ST6GAL2: variants seen among roughly 807,000 people sequenced by gnomAD.
ST6GAL2 encodes ST6 beta-galactoside alpha-2,6-sialyltransferase 2.
In ST6GAL2, 24 loss-of-function variants were observed where a neutral mutation model predicts 37.5. The observed-to-expected ratio is 0.64, with a 90% confidence interval of 0.46 to 0.90. The LOEUF (loss-of-function observed/expected upper bound fraction) is 0.90, where lower values mean the gene tolerates loss of function less well. Among genes scored for constraint, ST6GAL2 ranks in the 40% least tolerant of loss-of-function variants. The pLI, the probability that ST6GAL2 is intolerant of heterozygous loss-of-function variation, is 0.00. For missense variants in ST6GAL2, 715 were observed against 712.7 expected (o/e 1.00, Z -0.04); for synonymous variants, 306 against 295.1 (o/e 1.04, Z -0.38).
chr2:106,879,355 A>G (rs1256235910), intron 1 of ST6GAL2, among the ~76,000 whole-genome samples: 1 of 152,188 alleles, frequency 6.6e-6, no homozygotes, highest in Admixed American at 6.5e-5. Context: ...ATTATTTTAA[A>G]GCCATACCTT....
chr2:106,885,506 G>C (rs1678941840), intron 1 of ST6GAL2, among the ~76,000 whole-genome samples: 1 of 152,126 alleles, frequency 6.6e-6, no homozygotes, highest in Non-Finnish European at 1.5e-5. Context: ...TTGGAAGGCA[G>C]CACTTGCGGG....
chr2:106,831,716 A>C (rs1364135222), intron 4 of ST6GAL2, among the ~76,000 whole-genome samples: 1 of 152,200 alleles, frequency 6.6e-6, no homozygotes, highest in Non-Finnish European at 1.5e-5. Context: ...CAAGGTCAAC[A>C]GTGACCAAAA....
chr2:106,840,934 C>T (rs551832697), intron 2 of ST6GAL2, among the ~76,000 whole-genome samples: 6 of 152,338 alleles, frequency 3.9e-5, no homozygotes, highest in African/African-American at 1.2e-4. Flanking sequence ...TTAATATTGG[C>T]TCTCAGAAAT....
chr2:106,878,899 T>C lies in ST6GAL2; in HGVS notation c.-58+7194A>G, dbSNP rs78967519. ...AACAAGATTGAGCTAATTCGGGCAA[T>C]TGAAAGACAGGGATCGACATGGAGT... On this transcript the variant is annotated intron_variant, in intron 1 of 5. Coordinates refer to ENST00000409382, the MANE Select transcript of ST6GAL2 (RefSeq NM_001142351.2). Among the ~76,000 whole-genome samples the C allele has an allele frequency of 2.6e-5, 4 of 152,270 alleles. 1 individual carries two copies. The highest frequency in any genetic ancestry group is 4.1e-4 in the South Asian group (2 of 4,824).
In ST6GAL2 at chr2:106,834,145, A is replaced by C; in HGVS notation, c.945T>G (p.Asp315Glu). ...TAAATCTCAAAACCGCATCATGAGA[A>C]TCTAAGGGCACATAAGTGACAAGCT... ...ILNSSLGEEI[D>E]SHDAVLRFNS... Residue 315 changes from aspartate (D) to glutamate (E), a missense_variant and splice_region_variant, in exon 3 of 6, where the codon GAT (aspartate) becomes GAG (glutamate). Physicochemically the swap from Asp to Glu is conservative, Grantham distance 45. Coordinates refer to ENST00000409382, the MANE Select transcript of ST6GAL2 (RefSeq NM_001142351.2). 2 of 1,608,292 alleles carry C rather than the reference A, an allele frequency of 1.2e-6. No individual in the cohort carries two copies. The highest frequency in any genetic ancestry group is 1.7e-6 in the Non-Finnish European group (2 of 1,175,158).
rs750460237 is a variant in ST6GAL2 at position 106,843,472 on chromosome 2, T to C, written c.506A>G (p.Gln169Arg). The C allele has an allele frequency of 6.2e-7, 1 of 1,614,044 alleles. No individual in the cohort carries two copies. The highest frequency in any genetic ancestry group is 8.5e-7 in the Non-Finnish European group (1 of 1,180,004). ...REGAFPAAQV[Q>R]RRRVKKRHRR... ...GTGCCTCTTCTTCACCCGCCTCCTC[T>C]GGACCTGTGCAGCCGGAAAAGCCCC... The change falls in exon 2 of 6, where the codon CAG becomes CGG. Residue 169 changes from glutamine to arginine, a missense_variant. Physicochemically the swap from Gln to Arg is conservative, Grantham distance 43. Coordinates refer to ENST00000409382, the MANE Select transcript of ST6GAL2 (RefSeq NM_001142351.2).
intron 1 of ST6GAL2, among the ~76,000 whole-genome samples, chr2:106,865,437 G>A (rs1010198615): frequency 2.6e-5 from 4 of 152,164 alleles, no homozygotes; most frequent in African/African-American, 9.7e-5. Flanking sequence ...TGATACTGAC[G>A]TGCTGTACAT....
chr2:106,837,637 G>C (rs1222683978), intron 2 of ST6GAL2, among the ~76,000 whole-genome samples: 4 of 152,140 alleles, frequency 2.6e-5, no homozygotes, highest in African/African-American at 9.7e-5. Context: ...GAAGTGTGAT[G>C]CCAGCAATCC....
chr2:106,839,210 C>T (rs917195413), intron 2 of ST6GAL2, among the ~76,000 whole-genome samples: 1 of 152,078 alleles, frequency 6.6e-6, no homozygotes, highest in African/African-American at 2.4e-5. Flanking sequence ...CTCTTCTGTC[C>T]CTACGAGCCC....
intron 1 of ST6GAL2, among the ~76,000 whole-genome samples, chr2:106,875,590 G>A (rs1018515899): frequency 6.6e-6 from 1 of 152,220 alleles, no homozygotes; most frequent in Non-Finnish European, 1.5e-5. Context: ...TGGGGTACGG[G>A]AAAGGCCTGG....
At chr2:106,814,076 T>C (rs1675709681) in intron 5 of ST6GAL2, among the ~76,000 whole-genome samples, 1 of 152,198 alleles carries the variant, frequency 6.6e-6, no homozygotes, top group Non-Finnish European at 1.5e-5. Context: ...TTGAACCTGA[T>C]GTAATTTAAG....
At chr2:106,814,552 T>A (rs943965341) in intron 5 of ST6GAL2, among the ~76,000 whole-genome samples, 2 of 150,622 alleles carry the variant, frequency 1.3e-5, no homozygotes, top group African/African-American at 4.9e-5. Context: ...GAATTGGCAA[T>A]TGTACCTTAA....
At chr2:106,828,737 A>G (rs1000339442) in intron 5 of ST6GAL2, among the ~76,000 whole-genome samples, 7 of 152,216 alleles carry the variant, frequency 4.6e-5, no homozygotes, top group African/African-American at 1.7e-4. Context: ...GGGGAAGAGA[A>G]CATTACAGTT....
At chr2:106,838,537 T>C (rs1676738777) in intron 2 of ST6GAL2, among the ~76,000 whole-genome samples, 13 of 152,212 alleles carry the variant, frequency 8.5e-5, no homozygotes, top group Admixed American at 8.5e-4. Context: ...GTCCAGGCTC[T>C]GGAGTGATCT....
At chr2:106,861,078 T>G (rs1677778644) in intron 1 of ST6GAL2, among the ~76,000 whole-genome samples, 1 of 151,960 alleles carries the variant, frequency 6.6e-6, no homozygotes, top group Non-Finnish European at 1.5e-5. Flanking sequence ...AGTAGAAGAG[T>G]GAGACCCTAA....
chr2:106,860,133 T>C (rs1224928652), intron 1 of ST6GAL2, among the ~76,000 whole-genome samples: 1 of 152,168 alleles, frequency 6.6e-6, no homozygotes, highest in Non-Finnish European at 1.5e-5. Context: ...AGTAAGGGTT[T>C]CCCTCCAGCA....
intron 1 of ST6GAL2, among the ~76,000 whole-genome samples, chr2:106,883,624 AGCT>A (rs1336006736): frequency 6.6e-6 from 1 of 152,178 alleles, no homozygotes; most frequent in African/African-American, 2.4e-5. Flanking sequence ...AGAAAATCAA[AGCT>A]TAACATACAC....
In ST6GAL2 at chr2:106,841,827, C is replaced by T. The variant is rs141807860; in HGVS notation, c.943+1208G>A. On this transcript the variant is annotated intron_variant, in intron 2 of 5. Coordinates refer to ENST00000409382, the MANE Select transcript of ST6GAL2 (RefSeq NM_001142351.2). ...TATTTGAACCCTGCCATGGCCCCAT[C>T]AATCAAAAAAGATTAGAATTGGTAT... Among the ~76,000 whole-genome samples, 5 of 152,142 alleles carry T rather than the reference C, an allele frequency of 3.3e-5. No individual in the cohort carries two copies. The East Asian group carries it at 9.7e-4, about 29-fold the overall frequency.
intron 1 of ST6GAL2, among the ~76,000 whole-genome samples, chr2:106,863,501 C>T (rs1409472512): frequency 1.3e-5 from 2 of 152,074 alleles, no homozygotes; most frequent in Non-Finnish European, 2.9e-5. Flanking sequence ...GGTGACCCCC[C>T]CGTCTAACGC....
Sources: gnomAD v4.1 joint callset for allele counts (sites outside exome capture counted in the v4.1 genomes callset) on GRCh38, gnomAD v4.1.1 for gene constraint, MANE v1.5 for transcripts, NCBI Gene and HGNC (gene_info 2026-07-23, HGNC 2026-07-21) for gene names.